Variants in PRKD1 observed in about 807,000 individuals in gnomAD.
PRKD1 encodes the protein serine/threonine-protein kinase D1.
A neutral mutation model predicts 95.9 loss-of-function variants in PRKD1; 63 were observed. The observed-to-expected ratio is 0.66, with a 90% confidence interval of 0.54 to 0.81. The LOEUF is 0.81. Ranked by LOEUF, PRKD1 falls within the 30% of genes least tolerant of loss-of-function variation. The pLI is 0.00. For missense variants in PRKD1, 1,048 were observed against 1,165.3 expected, an observed-to-expected ratio of 0.90 and a Z score of 1.47; for synonymous variants, 425 against 423.1, an observed-to-expected ratio of 1.00 and a Z score of -0.05.
chr14:29,730,958 AT>A (rs1365957386), intron 1 of PRKD1, among the ~76,000 whole-genome samples: 3 of 152,230 alleles, frequency 2.0e-5, no homozygotes, highest in East Asian at 3.9e-4. Flanking sequence ...AGATAATAAT[AT>A]TATATTGTAT....
At chr14:29,895,596 T>C (rs927106328) in intron 1 of PRKD1, among the ~76,000 whole-genome samples, 2 of 152,110 alleles carry the variant, frequency 1.3e-5, no homozygotes, top group Non-Finnish European at 2.9e-5. Flanking sequence ...AGTCCTGAAG[T>C]GTCCCGCGAG....
At chr14:29,633,166 T>C (rs530555221) in intron 8 of PRKD1, among the ~76,000 whole-genome samples, 3 of 152,246 alleles carry the variant, frequency 2.0e-5, no homozygotes, top group South Asian at 2.1e-4. Context: ...TCGTGAGTAA[T>C]AAAGAAGATG....
intron 16 of PRKD1, among the ~76,000 whole-genome samples, chr14:29,590,497 G>C (rs1455335857): frequency 6.6e-6 from 1 of 152,184 alleles, no homozygotes; most frequent in East Asian, 1.9e-4. Context: ...CTCGGTGGAT[G>C]TGAGAGCTTT....
chr14:29,651,326 TG>T (rs1191245669), intron 4 of PRKD1, among the ~76,000 whole-genome samples: 2 of 152,202 alleles, frequency 1.3e-5, no homozygotes, highest in Non-Finnish European at 2.9e-5. Flanking sequence ...CACTAAAAAC[TG>T]GGCTATTTAG....
At chr14:29,890,006 A>G (rs1893882459) in intron 1 of PRKD1, among the ~76,000 whole-genome samples, 1 of 152,244 alleles carries the variant, frequency 6.6e-6, no homozygotes, top group Non-Finnish European at 1.5e-5. Context: ...AGAAAGGAAC[A>G]GTGTCTAATT....
chr14:29,736,706 G>T (rs1886730768), intron 1 of PRKD1, among the ~76,000 whole-genome samples: 1 of 152,158 alleles, frequency 6.6e-6, no homozygotes, highest in Non-Finnish European at 1.5e-5. Flanking sequence ...CCAGGCACTG[G>T]TCCTAAGCTC....
At chr14:29,737,049 G>A (rs1247755699) in intron 1 of PRKD1, among the ~76,000 whole-genome samples, 6 of 152,158 alleles carry the variant, frequency 3.9e-5, no homozygotes, top group South Asian at 2.1e-4. Flanking sequence ...TCGGCCGGGC[G>A]CGGTGGCTCA....
intron 6 of PRKD1, among the ~76,000 whole-genome samples, chr14:29,637,197 A>C (rs567483119): frequency 5.6e-4 from 85 of 152,312 alleles, no homozygotes; most frequent in African/African-American, 1.9e-3. Flanking sequence ...GGATGACAGA[A>C]ATTTTCACAT....
At chr14:29,884,757 A>G (rs1332339219) in intron 1 of PRKD1, among the ~76,000 whole-genome samples, 1 of 152,226 alleles carries the variant, frequency 6.6e-6, no homozygotes, top group Non-Finnish European at 1.5e-5. Context: ...CTGAGGATGC[A>G]GAGTGGAGCA....
intron 2 of PRKD1, among the ~76,000 whole-genome samples, chr14:29,720,610 T>C (rs908876791): frequency 7.9e-5 from 12 of 151,738 alleles, no homozygotes; most frequent in Non-Finnish European, 1.2e-4. Flanking sequence ...TGAAACCCTG[T>C]CTCTACTAAA....
intron 9 of PRKD1, among the ~76,000 whole-genome samples, chr14:29,631,807 T>TATTGATTG (rs1310842549): frequency 5.3e-5 from 8 of 151,486 alleles, no homozygotes; most frequent in Non-Finnish European, 1.2e-4. Context: ...TTTATTTATT[T>TATTGATTG]ATTTTTATTT....
chr14:29,897,961 T>C (rs1193382787), intron 1 of PRKD1, among the ~76,000 whole-genome samples: 1 of 152,100 alleles, frequency 6.6e-6, no homozygotes, highest in South Asian at 2.1e-4. Context: ...TTTCTTAAAA[T>C]ATAAAGAAAA....
intron 8 of PRKD1, among the ~76,000 whole-genome samples, chr14:29,633,186 C>T (rs894906212): frequency 2.0e-5 from 3 of 152,046 alleles, no homozygotes; most frequent in East Asian, 1.9e-4. Flanking sequence ...GAAGTATTAG[C>T]GCCCAGTAAG....
intron 1 of PRKD1, among the ~76,000 whole-genome samples, chr14:29,826,131 T>C (rs893182762): frequency 1.3e-5 from 2 of 148,782 alleles, no homozygotes; most frequent in African/African-American, 5.0e-5. Context: ...TCTCTCTCTA[T>C]ATATATATAT....
At chr14:29,847,311 CTGAG>C (rs1241354601) in intron 1 of PRKD1, among the ~76,000 whole-genome samples, 2 of 152,166 alleles carry the variant, frequency 1.3e-5, no homozygotes, top group Non-Finnish European at 2.9e-5. Context: ...CATCACTCAG[CTGAG>C]TAAGTGGCAG....
chr14:29,578,277 GT>G lies in PRKD1; in HGVS notation c.2517del (p.Gln840ArgfsTer7). 6.3e-7 allele frequency: 1 copy of G among 1,598,126 alleles called. No homozygotes were observed. Among genetic ancestry groups the G allele is most frequent in the African/African-American group, 1.3e-5 (1 of 74,358 alleles). On this transcript the variant is annotated frameshift_variant, in exon 17 of 18. Transcript: ENST00000331968. LOFTEE classifies it high-confidence loss of function. ...SVDKTLSHPW[L>X]QDYQTWLDLR... ...AAAACTCAGTGATTATTGTTTACCTGTAGCCAAGGGTGGCTCAAGGTCTTAT... is the reference window on the plus strand; with the variant it reads ...AAAACTCAGTGATTATTGTTTACCTGAGCCAAGGGTGGCTCAAGGTCTTAT...
chr14:29,610,761 A>C (rs1878407232), intron 13 of PRKD1, among the ~76,000 whole-genome samples: 1 of 152,340 alleles, frequency 6.6e-6, no homozygotes. Flanking sequence ...AGCAACCAAG[A>C]TGTCTTTCAG....
chr14:29,763,517 A>AAAAC (rs150156977), intron 1 of PRKD1, among the ~76,000 whole-genome samples: 24,314 of 146,858 alleles, frequency 0.17, 2,285 homozygotes, highest in South Asian at 0.21. Context: ...AACACAGAAA[A>AAAAC]AGACTAGTAA....
chr14:29,732,043 T>C (rs544345284), intron 1 of PRKD1, among the ~76,000 whole-genome samples: 3 of 152,088 alleles, frequency 2.0e-5, no homozygotes, highest in Admixed American at 2.0e-4. Flanking sequence ...CAGCTAATTT[T>C]TGTATTTTTA....
Sources: allele counts gnomAD v4.1 joint callset (sites outside exome capture counted in the v4.1 genomes callset), GRCh38; gene constraint gnomAD v4.1.1; transcripts MANE v1.5; gene names NCBI Gene and HGNC (gene_info 2026-07-23, HGNC 2026-07-21).